MAN1C1: variants seen among roughly 807,000 people sequenced by gnomAD.
MAN1C1 encodes mannosidase alpha class 1C member 1.
Under a neutral mutation model 71.5 loss-of-function variants are expected in MAN1C1, and 49 were observed. The ratio of observed to expected loss-of-function variants is 0.69; its 90% CI spans 0.54 to 0.87. The LOEUF is 0.87. Ranked by LOEUF, MAN1C1 falls within the 40% of genes least tolerant of loss-of-function variation. The pLI is 0.00. For missense variants in MAN1C1, 743 were observed against 835.0 expected (o/e 0.89, Z 1.36); for synonymous variants, 352 against 343.7 (o/e 1.02, Z -0.27).
intron 2 of MAN1C1, among the ~76,000 whole-genome samples, chr1:25,726,442 A>G (rs1016922856): frequency 1.3e-5 from 2 of 152,134 alleles, no homozygotes; most frequent in African/African-American, 4.8e-5. Context: ...TGACTACCAG[A>G]TCCCATCCAA....
chr1:25,694,593 A>C (rs1194089480), intron 2 of MAN1C1, among the ~76,000 whole-genome samples: 2 of 152,208 alleles, frequency 1.3e-5, no homozygotes, highest in African/African-American at 4.8e-5. Flanking sequence ...TCCAGGCCCC[A>C]AGATGTCATT....
intron 2 of MAN1C1, among the ~76,000 whole-genome samples, chr1:25,707,472 AG>A (rs2046539863): frequency 6.6e-6 from 1 of 152,196 alleles, no homozygotes; most frequent in African/African-American, 2.4e-5. Context: ...AATGCATTTG[AG>A]GGCTTTTAAA....
At chr1:25,675,072 TATTG>T (rs918949391) in intron 1 of MAN1C1, among the ~76,000 whole-genome samples, 1 of 152,220 alleles carries the variant, frequency 6.6e-6, no homozygotes, top group African/African-American at 2.4e-5. Flanking sequence ...GGCTGCTTTT[TATTG>T]ATTGATTGAT....
intron 1 of MAN1C1, among the ~76,000 whole-genome samples, chr1:25,670,106 G>C (rs964629806): frequency 2.6e-5 from 4 of 152,236 alleles, no homozygotes; most frequent in Admixed American, 6.5e-5. Context: ...CTGCCCTCCT[G>C]GAGCCTTTGT....
At chr1:25,681,187 T>C (rs901074860) in intron 1 of MAN1C1, among the ~76,000 whole-genome samples, 14 of 149,870 alleles carry the variant, frequency 9.3e-5, no homozygotes, top group African/African-American at 3.5e-4. Flanking sequence ...GATCGCACCA[T>C]TGCACTCCAG....
intron 4 of MAN1C1, 116 bp downstream of exon 4, chr1:25,749,451 G>A: frequency 1.2e-6 from 1 of 843,094 alleles, no homozygotes; most frequent in Non-Finnish European, 1.8e-6. Flanking sequence ...GGCAGGGATG[G>A]GCCTGGGGCC....
chr1:25,676,593 T>C (rs2046071913), intron 1 of MAN1C1, among the ~76,000 whole-genome samples: 1 of 152,174 alleles, frequency 6.6e-6, no homozygotes, highest in South Asian at 2.1e-4. Context: ...GTCTACATAG[T>C]CATTAGATCC....
At chr1:25,716,001 G>T (rs56228815) in intron 2 of MAN1C1, among the ~76,000 whole-genome samples, 7,255 of 152,188 alleles carry the variant, frequency 0.048, 568 homozygotes, top group African/African-American at 0.17. Flanking sequence ...TGCTGCTGTG[G>T]CTCCAGTCAT....
At chr1:25,733,874 G>A (rs1474648149) in intron 2 of MAN1C1, among the ~76,000 whole-genome samples, 9 of 149,480 alleles carry the variant, frequency 6.0e-5, no homozygotes, top group East Asian at 2.0e-4. Flanking sequence ...ATCTTGGCTT[G>A]CTGCAAGCTC....
chr1:25,663,380 C>A (rs549286400), intron 1 of MAN1C1, among the ~76,000 whole-genome samples: 3 of 151,932 alleles, frequency 2.0e-5, no homozygotes, highest in African/African-American at 4.8e-5. Flanking sequence ...CCTGAAACTT[C>A]GGATAGTACT....
At chr1:25,768,505 C>A (rs987219406) in intron 7 of MAN1C1, among the ~76,000 whole-genome samples, 1 of 117,238 alleles carries the variant, frequency 8.5e-6, no homozygotes, top group African/African-American at 3.2e-5. Context: ...ACCCACACAC[C>A]CACACTCCCC....
intron 1 of MAN1C1, among the ~76,000 whole-genome samples, chr1:25,664,998 C>T (rs2045900589): frequency 6.6e-6 from 1 of 152,150 alleles, no homozygotes; most frequent in Non-Finnish European, 1.5e-5. Context: ...AAGTGCTAGC[C>T]TGGTTAAGAG....
chr1:25,739,479 T>C (rs926091624), intron 2 of MAN1C1, among the ~76,000 whole-genome samples: 3 of 152,238 alleles, frequency 2.0e-5, no homozygotes, highest in African/African-American at 7.2e-5. Flanking sequence ...GTGATTTTTT[T>C]TCTTCTAAAT....
chr1:25,618,183 T>C lies in MAN1C1; in HGVS notation c.386T>C (p.Ile129Thr). Residue 129 changes from isoleucine to threonine, a missense_variant, in exon 1 of 12, where the codon ATC (isoleucine) becomes ACC (threonine). Coordinates refer to ENST00000374332, the MANE Select transcript of MAN1C1 (RefSeq NM_020379.4). ...EEATAARGNS[I>T]PASRPGDEGV... is the part of the protein sequence containing the mutation. ...GCCACGGCGGCCCGGGGCAATAGCA[T>C]CCCGGCCTCCAGGCCCGGGGACGAG... 1.3e-6 allele frequency: 2 copies of C among 1,574,656 alleles called. No homozygotes were observed. The highest frequency in any genetic ancestry group is 1.4e-5 in the African/African-American group (1 of 73,880).
chr1:25,642,811 C>T lies in MAN1C1; in HGVS notation c.540+24474C>T, dbSNP rs549039609. ...ATCGTATATGAAACCAAGCTTGCTC[C>T]GAGGCCGCTGGCTGCAGGAAGCAGT... On this transcript the variant is annotated intron_variant, in intron 1 of 11. Coordinates refer to ENST00000374332, the MANE Select transcript of MAN1C1 (RefSeq NM_020379.4). 1.1e-4 allele frequency among the ~76,000 whole-genome samples: 16 copies of T among 152,270 alleles called. No individual in the cohort carries two copies. The South Asian group carries it at 2.9e-3, about 28-fold the overall frequency.
At chr1:25,664,022 G>A (rs2045886321) in intron 1 of MAN1C1, among the ~76,000 whole-genome samples, 1 of 152,198 alleles carries the variant, frequency 6.6e-6, no homozygotes, top group African/African-American at 2.4e-5. Flanking sequence ...CTTGTGGTAG[G>A]GTTCTTCTTG....
intron 2 of MAN1C1, among the ~76,000 whole-genome samples, chr1:25,695,614 G>C (rs1046673402): frequency 1.3e-5 from 2 of 152,068 alleles, no homozygotes; most frequent in Non-Finnish European, 2.9e-5. Flanking sequence ...ACCACTCACC[G>C]CTCCACACTC....
rs2047457342 is a variant in MAN1C1 at position 25,767,652 on chromosome 1, CACA to C, written c.1141+3686_1141+3688del. Among the ~76,000 whole-genome samples, 7 of 104,342 alleles carry C rather than the reference CACA, an allele frequency of 6.7e-5. No homozygotes were observed. The East Asian group carries it at 1.5e-3, about 22-fold the overall frequency. The allele number at this position is 104,342 out of a possible 152,430, so 68.5% of individuals were successfully genotyped here. Reference sequence around the variant, plus strand: ...ACACACACACATTACACACTCCCCCCACACACAGACCCACACAGCCACACTCTC... The same window carrying C: ...ACACACACACATTACACACTCCCCCCCACAGACCCACACAGCCACACTCTC... On this transcript the variant is annotated intron_variant, in intron 7 of 11. Transcript: ENST00000374332.
At chr1:25,719,559 G>A (rs1333399632) in intron 2 of MAN1C1, among the ~76,000 whole-genome samples, 2 of 151,802 alleles carry the variant, frequency 1.3e-5, no homozygotes, top group Non-Finnish European at 2.9e-5. Flanking sequence ...TGAGTAGCTG[G>A]AACTACAGGC....
Sources: allele counts gnomAD v4.1 joint callset (sites outside exome capture counted in the v4.1 genomes callset), GRCh38; gene constraint gnomAD v4.1.1; transcripts MANE v1.5; gene names NCBI Gene and HGNC (gene_info 2026-07-23, HGNC 2026-07-21).